The following ERG variants were observed in gnomAD, a reference collection of about 807,000 sequenced individuals.
ERG encodes transcriptional regulator ERG.
ERG carries 9 observed loss-of-function variants against 55.3 expected under a neutral mutation model. That is an observed-to-expected ratio of 0.16 (90% CI 0.10 to 0.28). The LOEUF (loss-of-function observed/expected upper bound fraction) is 0.28, where lower values mean the gene tolerates loss of function less well. Among genes scored for constraint, ERG ranks in the 10% least tolerant of loss-of-function variants. The pLI, the probability that ERG is intolerant of heterozygous loss-of-function variation, is 1.00. For synonymous variants in ERG, 223 were observed against 237.3 expected (o/e 0.94, Z 0.55); for missense variants, 434 against 631.6 (o/e 0.69, Z 3.35).
At chr21:38,648,416 T>C (rs1412575606) in intron 1 of ERG, among the ~76,000 whole-genome samples, 4 of 152,176 alleles carry the variant, frequency 2.6e-5, no homozygotes, top group Non-Finnish European at 5.9e-5. Context: ...TATGCCAGCA[T>C]TACAGAATGC....
intron 1 of ERG, among the ~76,000 whole-genome samples, chr21:38,474,355 C>T (rs138779743): frequency 2.0e-5 from 3 of 146,872 alleles, no homozygotes; most frequent in Non-Finnish European, 4.6e-5. Flanking sequence ...CAGGCGACAC[C>T]GCCTCTGCAT....
At chr21:38,636,581 G>A (rs938077815) in intron 1 of ERG, among the ~76,000 whole-genome samples, 1 of 152,236 alleles carries the variant, frequency 6.6e-6, no homozygotes, top group Admixed American at 6.5e-5. Context: ...AAGAGCAGAT[G>A]AAAGCTGGAA....
At chr21:38,547,530 G>A (rs537879177) in intron 2 of ERG, among the ~76,000 whole-genome samples, 173 of 152,318 alleles carry the variant, frequency 1.1e-3, no homozygotes, top group Non-Finnish European at 4.1e-4. Context: ...GAAAGGAAAA[G>A]ATGAACAGTG....
intron 2 of ERG, among the ~76,000 whole-genome samples, chr21:38,427,424 T>C (rs866823062): frequency 1.6e-4 from 24 of 152,200 alleles, no homozygotes; most frequent in Admixed American, 3.9e-4. Context: ...ATGTTTGGGA[T>C]CTGTTTTGGG....
chr21:38,413,098 C>T (rs1989132810), intron 3 of ERG, among the ~76,000 whole-genome samples: 1 of 152,140 alleles, frequency 6.6e-6, no homozygotes, highest in East Asian at 1.9e-4. Flanking sequence ...CATTCCTTGC[C>T]CCTAGTTGAC....
chr21:38,494,967 A>G (rs535032739), intron 1 of ERG, among the ~76,000 whole-genome samples: 36 of 152,232 alleles, frequency 2.4e-4, no homozygotes, highest in Non-Finnish European at 4.7e-4. Context: ...AAACACTCAG[A>G]GCATGCTCTG....
intron 2 of ERG, among the ~76,000 whole-genome samples, chr21:38,427,948 A>G (rs1307791408): frequency 6.6e-6 from 1 of 152,182 alleles, no homozygotes; most frequent in Non-Finnish European, 1.5e-5. Context: ...GCATTTTGGG[A>G]GGCCAAGATA....
intron 1 of ERG, among the ~76,000 whole-genome samples, chr21:38,456,963 A>G (rs190533424): frequency 2.0e-5 from 3 of 152,340 alleles, no homozygotes; most frequent in Non-Finnish European, 2.9e-5. Flanking sequence ...TTCATGCACT[A>G]ACAAGTTGGT....
chr21:38,530,833 T>A (rs992426495), intron 2 of ERG, among the ~76,000 whole-genome samples: 3 of 152,126 alleles, frequency 2.0e-5, no homozygotes, highest in Non-Finnish European at 2.9e-5. Context: ...TCCCGTCGAG[T>A]CACAGGATTT....
intron 2 of ERG, among the ~76,000 whole-genome samples, chr21:38,554,481 C>T (rs1043726475): frequency 6.6e-6 from 1 of 152,128 alleles, no homozygotes; most frequent in Non-Finnish European, 1.5e-5. Context: ...TTACAGAATA[C>T]TACACAGCCA....
chr21:38,634,467 A>C (rs2060376086), intron 1 of ERG, among the ~76,000 whole-genome samples: 1 of 152,206 alleles, frequency 6.6e-6, no homozygotes, highest in Non-Finnish European at 1.5e-5. Context: ...GAGCATTAAG[A>C]ATGCCAAGAA....
In ERG at chr21:38,498,427, T is replaced by A; in HGVS notation, c.-47A>T. 2 of 1,597,996 alleles carry A rather than the reference T, an allele frequency of 1.3e-6. No individual in the cohort carries two copies. Among genetic ancestry groups the A allele is most frequent in the Non-Finnish European group, 1.7e-6 (2 of 1,171,746 alleles). ...CGTTAATAAATGTTAATAATAATTATTGCTTCTCTCTGACCAGAAAGTAGT... is the reference window on the plus strand; with the variant it reads ...CGTTAATAAATGTTAATAATAATTAATGCTTCTCTCTGACCAGAAAGTAGT... On this transcript the variant is annotated 5_prime_UTR_variant, in exon 1 of 10. Transcript: ENST00000288319. The surrounding 1 kb of genome is among the most constrained non-coding windows in gnomAD (Gnocchi z 4.6).
intron 2 of ERG, among the ~76,000 whole-genome samples, chr21:38,526,116 G>A (rs574387001): frequency 2.8e-4 from 42 of 152,304 alleles, no homozygotes; most frequent in African/African-American, 8.4e-4. Flanking sequence ...GGTGCTGTGT[G>A]TGAGGGAAGC....
At chr21:38,407,948 A>T (rs1988853429) in intron 3 of ERG, among the ~76,000 whole-genome samples, 1 of 150,130 alleles carries the variant, frequency 6.7e-6, no homozygotes, top group Non-Finnish European at 1.5e-5. Context: ...TATATATGTG[A>T]AAGTATTTTT....
At chr21:38,586,303 G>A (rs960988588), upstream of ERG, among the ~76,000 whole-genome samples, 1 of 149,058 alleles carries the variant, frequency 6.7e-6, no homozygotes, top group African/African-American at 2.5e-5. Flanking sequence ...TTTTTGTGGT[G>A]CGAACACTTG....
intron 2 of ERG, among the ~76,000 whole-genome samples, chr21:38,537,873 A>G (rs962092632): frequency 6.6e-6 from 1 of 152,240 alleles, no homozygotes; most frequent in Non-Finnish European, 1.5e-5. Context: ...CATTATTTAC[A>G]ATAACCAAAA....
chr21:38,396,711 A>C (rs1988238423), intron 6 of ERG, among the ~76,000 whole-genome samples: 1 of 152,152 alleles, frequency 6.6e-6, no homozygotes, highest in Admixed American at 6.5e-5. Flanking sequence ...AGGGTGGTGC[A>C]CTGTGTAGTT....
At chr21:38,582,039 T>C (rs1365801665) in intron 1 of ERG, among the ~76,000 whole-genome samples, 3 of 86,956 alleles carry the variant, frequency 3.5e-5, no homozygotes, top group Non-Finnish European at 6.3e-5. Context: ...CGAGACTCCA[T>C]CTCACAAAAA....
intron 2 of ERG, among the ~76,000 whole-genome samples, chr21:38,443,265 A>G (rs1818997966): frequency 6.6e-6 from 1 of 152,330 alleles, no homozygotes; most frequent in Non-Finnish European, 1.5e-5. Context: ...GGGCCAGGAC[A>G]TGGCTCACTC....
Sources: allele counts gnomAD v4.1 joint callset (sites outside exome capture counted in the v4.1 genomes callset), GRCh38; gene constraint gnomAD v4.1.1; non-coding constraint Gnocchi (gnomAD v3.1); transcripts MANE v1.5; gene names NCBI Gene and HGNC (gene_info 2026-07-23, HGNC 2026-07-21).